NCKAP1L: variants seen among roughly 807,000 people sequenced by gnomAD.
NCKAP1L encodes the protein NCK associated protein 1 like, also known as nck-associated protein 1-like.
In NCKAP1L, 53 loss-of-function variants were observed where a neutral mutation model predicts 139.2. The ratio of observed to expected loss-of-function variants is 0.38; its 90% CI spans 0.31 to 0.48. The LOEUF is 0.48. NCKAP1L is among the 20% of genes least tolerant of loss of function. The pLI, the probability that NCKAP1L is intolerant of heterozygous loss-of-function variation, is 0.98. For synonymous variants in NCKAP1L, 468 were observed against 499.7 expected, an observed-to-expected ratio of 0.94 and a Z score of 0.85; for missense variants, 1,151 against 1,381.9, an observed-to-expected ratio of 0.83 and a Z score of 2.65.
Position 54,517,845 on chromosome 12 carries a change from G to A in NCKAP1L, c.1245G>A (p.Arg415=), listed in dbSNP as rs1375961908. Residue 415 remains arginine (R), a synonymous_variant, in exon 13 of 31, where the codon AGG becomes AGA. Coordinates refer to ENST00000293373, the MANE Select transcript of NCKAP1L (RefSeq NM_005337.5). Reference sequence around the variant, plus strand: ...TACTTTTCTTGTTGGAGGGGATTAGGTCTCTGGTCCGAAGACACATCAAAG... The same window carrying A: ...TACTTTTCTTGTTGGAGGGGATTAGATCTCTGGTCCGAAGACACATCAAAG... ...AELLFLLEGI[R]SLVRRHIKVI... The A allele has an allele frequency of 1.7e-5, 28 of 1,613,998 alleles. No individual in the cohort carries two copies. Among genetic ancestry groups the A allele is most frequent in the Non-Finnish European group, 2.2e-5 (26 of 1,180,018 alleles).
chr12:54,530,419 C>A (rs951144987), intron 22 of NCKAP1L, among the ~76,000 whole-genome samples: 1 of 152,124 alleles, frequency 6.6e-6, no homozygotes, highest in Non-Finnish European at 1.5e-5. Flanking sequence ...GGATAAAGCA[C>A]TGGGACTACT....
Position 54,531,596 on chromosome 12 carries a change from C to A in NCKAP1L, c.2698+12C>A. On this transcript the variant is annotated intron_variant, in intron 24 of 30. Transcript: ENST00000293373. ...GCCCCAGCTGACAGGTAAGCATCCT[C>A]TTCCCCTATAGTGAGAAGGAGCTGT... 1 of 1,613,694 alleles carries A rather than the reference C, an allele frequency of 6.2e-7. No homozygotes were observed. The highest frequency in any genetic ancestry group is 1.1e-5 in the South Asian group (1 of 91,070).
chr12:54,537,113 T>A, intron 29 of NCKAP1L, 60 bp downstream of exon 29: 1 of 1,161,130 alleles, frequency 8.6e-7, no homozygotes. Flanking sequence ...TGGTTTGACT[T>A]AAATCTGTAG....
At position 54,506,790 on chromosome 12, in the gene NCKAP1L, AAAAAAAAT is replaced by A. The variant is rs1050747168; in HGVS notation, c.307-1061_307-1054del. On this transcript the variant is annotated intron_variant, in intron 3 of 30. Transcript: ENST00000293373. ...CAAATCTTTTGGCAACATATTAAAA[AAAAAAAAT>A]ATATATATATATATATATATATATA... Among the ~76,000 whole-genome samples, 11 of 27,558 alleles carry A rather than the reference AAAAAAAAT, an allele frequency of 4.0e-4. 1 individual carries two copies. The highest frequency in any genetic ancestry group is 2.8e-3 in the African/African-American group (10 of 3,624). 18.1% of individuals were successfully genotyped at this position (27,558 alleles called of 152,430 possible).
At chr12:54,535,309 A>G (rs1040806270) in intron 27 of NCKAP1L, 112 bp downstream of exon 27, 3 of 760,824 alleles carry the variant, frequency 3.9e-6, no homozygotes, top group Admixed American at 5.4e-5. Flanking sequence ...TATTCAGAGG[A>G]TATAAGCTGG....
At chr12:54,503,767 T>C (rs112732974) in intron 3 of NCKAP1L, among the ~76,000 whole-genome samples, 3,952 of 151,678 alleles carry the variant, frequency 0.026, 176 homozygotes, top group African/African-American at 0.091. Flanking sequence ...GCCTCCTGAG[T>C]AGCTGGGATT....
In NCKAP1L at chr12:54,517,956, T is replaced by A. The variant is rs1956947711; in HGVS notation, c.1338+18T>A. 1 of 1,613,296 alleles carries A rather than the reference T, an allele frequency of 6.2e-7. No individual in the cohort carries two copies. The highest frequency in any genetic ancestry group is 8.5e-7 in the Non-Finnish European group (1 of 1,179,340). On this transcript the variant is annotated intron_variant, in intron 13 of 30. Coordinates refer to ENST00000293373, the MANE Select transcript of NCKAP1L (RefSeq NM_005337.5). ...TCATTCAGGTATGATATTTAATTGA[T>A]TATACTTTGGAAATTTCAGGATGAT...
Position 54,542,839 on chromosome 12 carries a change from A to G in NCKAP1L, c.*154A>G. 1 of 602,944 alleles carries G rather than the reference A, an allele frequency of 1.7e-6. No individual in the cohort carries two copies. Among genetic ancestry groups the G allele is most frequent in the South Asian group, 2.1e-5 (1 of 48,612 alleles). 37.3% of individuals were successfully genotyped at this position (602,944 alleles called of 1,614,324 possible). A position where few individuals can be genotyped will look rare whatever the true frequency, so the allele number is the denominator to read the frequency against. On this transcript the variant is annotated 3_prime_UTR_variant, in exon 31 of 31. Coordinates refer to ENST00000293373, the MANE Select transcript of NCKAP1L (RefSeq NM_005337.5). ...AGTTGATGAGCAGATCTGTGGAAGA[A>G]CAATCCAGGGCTGAGAAATCGTAGA... is the stretch of plus-strand genomic sequence containing the variant.
At position 54,497,826 on chromosome 12, in the gene NCKAP1L, GAGA is replaced by G. The variant is rs1956763211; in HGVS notation, c.40_42del (p.Lys14del). On this transcript the variant is annotated inframe_deletion, in exon 1 of 31. Coordinates refer to ENST00000293373, the MANE Select transcript of NCKAP1L (RefSeq NM_005337.5). ...ATCTGCTTACCAGCATAAATTAGCA[GAGA>G]AGCTCACTATCCTGAATGATCGCGG... 2.5e-6 allele frequency: 4 copies of G among 1,613,770 alleles called. No homozygotes were observed. Among genetic ancestry groups the G allele is most frequent in the Non-Finnish European group, 2.5e-6 (3 of 1,179,770 alleles).
intron 20 of NCKAP1L, among the ~76,000 whole-genome samples, chr12:54,525,545 C>A (rs1341412745): frequency 6.6e-6 from 1 of 152,194 alleles, no homozygotes; most frequent in Non-Finnish European, 1.5e-5. Flanking sequence ...CCCGAATAAT[C>A]TCTGATACTT....
Position 54,523,891 on chromosome 12 carries a change from C to G in NCKAP1L, c.2091C>G (p.Ser697=). Residue 697 remains serine (S), a synonymous_variant, in exon 20 of 31, where the codon TCC becomes TCG. Coordinates refer to ENST00000293373, the MANE Select transcript of NCKAP1L (RefSeq NM_005337.5). ...CAATGAATCATGTATACAGTTTCTC[C>G]GTGTTTGAACATACTATCTTCCCTT... ...ALTMNHVYSF[S]VFEHTIFPSE... The G allele has an allele frequency of 6.2e-7, 1 of 1,614,092 alleles. No individual in the cohort carries two copies. Among genetic ancestry groups the G allele is most frequent in the Non-Finnish European group, 8.5e-7 (1 of 1,179,940 alleles).
intron 29 of NCKAP1L, among the ~76,000 whole-genome samples, chr12:54,537,371 T>G (rs1277287819): frequency 6.6e-6 from 1 of 152,190 alleles, no homozygotes; most frequent in Non-Finnish European, 1.5e-5. Flanking sequence ...CACGGTATTT[T>G]CATATATAAA....
At chr12:54,541,132 C>T (rs1444507587) in intron 30 of NCKAP1L, among the ~76,000 whole-genome samples, 3 of 152,156 alleles carry the variant, frequency 2.0e-5, no homozygotes, top group African/African-American at 7.2e-5. Flanking sequence ...AGACATGGCT[C>T]TTATAGAATC....
At position 54,516,951 on chromosome 12, in the gene NCKAP1L, G is replaced by C; in HGVS notation, c.1054G>C (p.Glu352Gln). Residue 352 changes from glutamate to glutamine, a missense_variant, in exon 11 of 31, where the codon GAG becomes CAG. Coordinates refer to ENST00000293373, the MANE Select transcript of NCKAP1L (RefSeq NM_005337.5). ...TCTGCGGATGGCAGTGAAGGAGCTG[G>C]AGACTGTGTTGGCTGATGAACCGGG... Reference protein sequence around the residue: ...QFLRMAVKELETVLADEPGLL... With the variant: ...QFLRMAVKELQTVLADEPGLL... 2 of 1,612,952 alleles carry C rather than the reference G, an allele frequency of 1.2e-6. No homozygotes were observed. The highest frequency in any genetic ancestry group is 1.7e-5 in the Admixed American group (1 of 59,968).
Position 54,531,370 on chromosome 12 carries a change from C to CA in NCKAP1L, c.2604+15dup. The CA allele has an allele frequency of 6.2e-7, 1 of 1,613,238 alleles. No homozygotes were observed. The highest frequency in any genetic ancestry group is 8.5e-7 in the Non-Finnish European group (1 of 1,179,256). On this transcript the variant is annotated intron_variant, in intron 23 of 30. Coordinates refer to ENST00000293373, the MANE Select transcript of NCKAP1L (RefSeq NM_005337.5). ...TGTGGAGCTGAAGGTACTATGGAAA[C>CA]AATCCCTTGGGGAAAAGATCCTACC...
At chr12:54,515,622 G>T (rs1490474766) in intron 9 of NCKAP1L, among the ~76,000 whole-genome samples, 2 of 152,190 alleles carry the variant, frequency 1.3e-5, no homozygotes, top group African/African-American at 2.4e-5. Context: ...AGAGAAGTTT[G>T]GTGGTGTGGG....
Position 54,543,017 on chromosome 12 carries a change from C to T in NCKAP1L, c.*332C>T. On this transcript the variant is annotated 3_prime_UTR_variant, in exon 31 of 31. Transcript: ENST00000293373. ...GAGCTTGAGCTCTGACAGGCATGGG[C>T]CTCTCCGACCTTCATCACTATTCTT... 4.3e-6 allele frequency: 1 copy of T among 230,340 alleles called. No individual in the cohort carries two copies. The highest frequency in any genetic ancestry group is 2.2e-5 in the African/African-American group (1 of 44,746). The allele number at this position is 230,340 out of a possible 1,614,324, so 14.3% of individuals were successfully genotyped here.
chr12:54,516,569 C>T (rs971029750), intron 10 of NCKAP1L, among the ~76,000 whole-genome samples: 6 of 151,974 alleles, frequency 3.9e-5, no homozygotes, highest in Non-Finnish European at 7.4e-5. Flanking sequence ...CCTCAGCCTT[C>T]TGAGTAGCTG....
rs906661331 is a variant in NCKAP1L at position 54,518,752 on chromosome 12, G to C, written c.1420+20G>C. The C allele has an allele frequency of 1.9e-6, 3 of 1,595,690 alleles. No individual in the cohort carries two copies. The highest frequency in any genetic ancestry group is 1.3e-5 in the African/African-American group (1 of 74,506). On this transcript the variant is annotated intron_variant, in intron 14 of 30. Coordinates refer to ENST00000293373, the MANE Select transcript of NCKAP1L (RefSeq NM_005337.5). ...AACAAGGTAACTGGAGGGAGGTGGGGGAGGCAGGACATATGTGAGGATGAA... is the reference window on the plus strand; with the variant it reads ...AACAAGGTAACTGGAGGGAGGTGGGCGAGGCAGGACATATGTGAGGATGAA...
Sources: gnomAD v4.1 joint callset for allele counts (sites outside exome capture counted in the v4.1 genomes callset) on GRCh38, gnomAD v4.1.1 for gene constraint, MANE v1.5 for transcripts, NCBI Gene and HGNC (gene_info 2026-07-23, HGNC 2026-07-21) for gene names.